Variants in UHRF2 observed in about 807,000 individuals in gnomAD.
UHRF2 encodes the protein E3 ubiquitin-protein ligase UHRF2.
A neutral mutation model predicts 96.8 loss-of-function variants in UHRF2; 23 were observed. The ratio of observed to expected loss-of-function variants is 0.24; its 90% CI spans 0.17 to 0.34. UHRF2 has a LOEUF of 0.34. Ranked by LOEUF, UHRF2 falls within the 10% of genes least tolerant of loss-of-function variation. The pLI is 1.00. For synonymous variants in UHRF2, 385 were observed against 332.6 expected, an observed-to-expected ratio of 1.16 and a Z score of -1.72; for missense variants, 685 against 981.5, an observed-to-expected ratio of 0.70 and a Z score of 4.04.
At chr9:6,456,245 G>C (rs898702745) in intron 3 of UHRF2, among the ~76,000 whole-genome samples, 2 of 152,114 alleles carry the variant, frequency 1.3e-5, no homozygotes, top group African/African-American at 4.8e-5. Context: ...GCGTGATATG[G>C]TATCTCAGTG....
At chr9:6,424,941 C>T (rs544616949) in intron 2 of UHRF2, among the ~76,000 whole-genome samples, 1 of 152,094 alleles carries the variant, frequency 6.6e-6, no homozygotes, top group African/African-American at 2.4e-5. Context: ...AGGGCACATA[C>T]TATCAGTATT....
At chr9:6,490,589 C>G (rs1024507177) in intron 9 of UHRF2, among the ~76,000 whole-genome samples, 6 of 152,200 alleles carry the variant, frequency 3.9e-5, no homozygotes, top group African/African-American at 1.4e-4. Context: ...GATCACATCA[C>G]TGTACTCCAG....
chr9:6,455,393 G>GT (rs1349209701), intron 3 of UHRF2, among the ~76,000 whole-genome samples: 2 of 152,082 alleles, frequency 1.3e-5, no homozygotes, highest in African/African-American at 2.4e-5. Flanking sequence ...GCGGTGTTTG[G>GT]TTTTTTGTAC....
Position 6,478,532 on chromosome 9 carries a change from G to A in UHRF2, c.1160+724G>A, listed in dbSNP as rs541779098. Among the ~76,000 whole-genome samples the A allele has an allele frequency of 4.6e-5, 7 of 152,258 alleles. No individual in the cohort carries two copies. The East Asian group carries it at 1.4e-3, about 29-fold the overall frequency. On this transcript the variant is annotated intron_variant, in intron 6 of 15. Coordinates refer to ENST00000276893, the MANE Select transcript of UHRF2 (RefSeq NM_152896.3). ...TTGCCAAAATCTATTTTTCTCCTAT[G>A]GCGTGGTGATAACTACAAAAAGAAG... is the stretch of plus-strand genomic sequence containing the variant.
At chr9:6,504,855 A>C (rs13290027) in intron 15 of UHRF2, among the ~76,000 whole-genome samples, 164 bp downstream of exon 15, 12,105 of 152,238 alleles carry the variant, frequency 0.08, 920 homozygotes, top group African/African-American at 0.2. Flanking sequence ...TGCATGTTTT[A>C]ATTAGATAGT....
chr9:6,442,721 G>C (rs575913230), intron 3 of UHRF2, among the ~76,000 whole-genome samples: 19 of 151,832 alleles, frequency 1.3e-4, no homozygotes, highest in Admixed American at 3.3e-4. Context: ...CGAACTCCAG[G>C]CTCAAGCAAT....
chr9:6,444,716 C>T (rs1163882026), intron 3 of UHRF2, among the ~76,000 whole-genome samples: 2 of 152,160 alleles, frequency 1.3e-5, no homozygotes, highest in African/African-American at 4.8e-5. Flanking sequence ...ATGTCTCCTG[C>T]CTCTGCCTCC....
chr9:6,450,560 AG>A (rs1821797847), intron 3 of UHRF2, among the ~76,000 whole-genome samples: 1 of 152,192 alleles, frequency 6.6e-6, no homozygotes, highest in African/African-American at 2.4e-5. Flanking sequence ...GGTAAGATTC[AG>A]GTGTTGTCAG....
chr9:6,485,939 A>G (rs559263116), intron 8 of UHRF2, among the ~76,000 whole-genome samples: 2 of 152,120 alleles, frequency 1.3e-5, no homozygotes, highest in East Asian at 3.9e-4. Flanking sequence ...GAATGAAGAT[A>G]TGAGGGGAAA....
chr9:6,418,371 T>A (rs1819735876), intron 1 of UHRF2, among the ~76,000 whole-genome samples: 1 of 151,968 alleles, frequency 6.6e-6, no homozygotes, highest in Non-Finnish European at 1.5e-5. Context: ...AGAGTAAGCA[T>A]GGTAACTTGT....
chr9:6,439,339 C>G (rs374671186), intron 3 of UHRF2, among the ~76,000 whole-genome samples: 1 of 152,180 alleles, frequency 6.6e-6, no homozygotes, highest in African/African-American at 2.4e-5. Flanking sequence ...CCACGCCCGG[C>G]TAATTTTTGT....
intron 2 of UHRF2, among the ~76,000 whole-genome samples, chr9:6,427,203 G>A (rs1820308764): frequency 6.6e-6 from 1 of 152,092 alleles, no homozygotes; most frequent in Non-Finnish European, 1.5e-5. Flanking sequence ...ATGCCACTTG[G>A]TAAATATTTT....
intron 8 of UHRF2, among the ~76,000 whole-genome samples, chr9:6,485,287 CTT>C (rs1057252916): frequency 6.6e-6 from 1 of 152,002 alleles, no homozygotes; most frequent in Non-Finnish European, 1.5e-5. Flanking sequence ...TAAAAATACA[CTT>C]TGTGTATTTC....
intron 8 of UHRF2, chr9:6,484,679 G>A (rs1208005050): frequency 1.3e-5 from 2 of 150,050 alleles, no homozygotes; most frequent in Non-Finnish European, 3.0e-5. Flanking sequence ...AAAGTACTGG[G>A]ATTACAGGTA....
At chr9:6,472,744 G>T (rs537951640) in intron 4 of UHRF2, among the ~76,000 whole-genome samples, 2 of 152,306 alleles carry the variant, frequency 1.3e-5, no homozygotes, top group Non-Finnish European at 1.5e-5. Context: ...AAAATTTAAA[G>T]TGTTTTCAGT....
At chr9:6,459,073 AG>A (rs1822361143) in intron 3 of UHRF2, among the ~76,000 whole-genome samples, 1 of 152,206 alleles carries the variant, frequency 6.6e-6, no homozygotes, top group South Asian at 2.1e-4. Flanking sequence ...GTCGGAGGGT[AG>A]GGGGCTAGGG....
At chr9:6,444,536 A>G (rs991534605) in intron 3 of UHRF2, among the ~76,000 whole-genome samples, 2 of 152,216 alleles carry the variant, frequency 1.3e-5, no homozygotes, top group Non-Finnish European at 2.9e-5. Flanking sequence ...TAAGAAACAG[A>G]TTCCTGAGGG....
At chr9:6,471,197 G>A (rs1823220301) in intron 4 of UHRF2, among the ~76,000 whole-genome samples, 1 of 152,196 alleles carries the variant, frequency 6.6e-6, no homozygotes, top group South Asian at 2.1e-4. Context: ...AAACAGGGTG[G>A]TATGGTATCA....
At chr9:6,440,475 G>T (rs953992804) in intron 3 of UHRF2, among the ~76,000 whole-genome samples, 2 of 152,122 alleles carry the variant, frequency 1.3e-5, no homozygotes, top group African/African-American at 2.4e-5. Flanking sequence ...CACAGACATG[G>T]TACATATAAT....
Sources: gnomAD v4.1 joint callset for allele counts (sites outside exome capture counted in the v4.1 genomes callset) on GRCh38, gnomAD v4.1.1 for gene constraint, MANE v1.5 for transcripts, NCBI Gene and HGNC (gene_info 2026-07-23, HGNC 2026-07-21) for gene names.